B3GALT1: variants seen among roughly 807,000 people sequenced by gnomAD.
B3GALT1 encodes the protein UDP-Gal:betaGlcNAc beta 1,3-galactosyltransferase, polypeptide 1.
B3GALT1 carries 10 observed loss-of-function variants against 23.2 expected under a neutral mutation model. The observed-to-expected ratio is 0.43, with a 90% CI of 0.27 to 0.73. The LOEUF (loss-of-function observed/expected upper bound fraction) is 0.73. B3GALT1 is among the 30% of genes least tolerant of loss of function. The pLI is 0.21. For missense variants in B3GALT1, 299 were observed against 405.4 expected (o/e 0.74, Z 2.25); for synonymous variants, 156 against 141.5 (o/e 1.10, Z -0.73).
In B3GALT1 at chr2:167,447,172, C is replaced by T. The variant is rs117254686; in HGVS notation, c.-510-43005C>T. 7.5e-4 allele frequency among the ~76,000 whole-genome samples: 114 copies of T among 152,308 alleles called. 1 individual carries two copies. The East Asian group carries it at 0.018, about 24-fold the overall frequency. ...GGTATCACCAGTGGAGGCTGCAGAA[C>T]AGCTAATATCGCAGAACAGCAAATG... On this transcript the variant is annotated intron_variant, in intron 1 of 4. Coordinates refer to ENST00000392690, the MANE Select transcript of B3GALT1 (RefSeq NM_020981.4).
rs955395288 is a variant in B3GALT1, at chr2:167,715,758, A to G, written c.-352+68792A>G. On this transcript the variant is annotated intron_variant, in intron 3 of 4. Coordinates refer to ENST00000392690, the MANE Select transcript of B3GALT1 (RefSeq NM_020981.4). ...GATGACTGTACTTCATAGCCTTCAT[A>G]CTCTTTTGGAATAAGGCTAAATTTT... 1.8e-5 allele frequency: 29 copies of G among 1,612,716 alleles called. No individual in the cohort carries two copies. The South Asian group carries it at 2.2e-4, about 12-fold the overall frequency.
chr2:167,419,922 G>T (rs554501762), intron 1 of B3GALT1, among the ~76,000 whole-genome samples: 3 of 152,186 alleles, frequency 2.0e-5, no homozygotes, highest in Admixed American at 6.5e-5. Flanking sequence ...CTGCTATAAT[G>T]AGAGTAGTTC....
intron 2 of B3GALT1, among the ~76,000 whole-genome samples, chr2:167,554,190 C>T (rs943946842): frequency 1.3e-5 from 2 of 152,196 alleles, no homozygotes; most frequent in African/African-American, 4.8e-5. Flanking sequence ...GGAATAAGAG[C>T]TGTACTTAAC....
intron 1 of B3GALT1, among the ~76,000 whole-genome samples, chr2:167,423,458 C>T (rs1309286836): frequency 1.3e-5 from 2 of 152,056 alleles, no homozygotes; most frequent in African/African-American, 2.4e-5. Context: ...CCACCAGGAC[C>T]GATCTATGCA....
chr2:167,446,368 CTTTGTGGCATTCTCTGTA>C (rs1392489781), intron 1 of B3GALT1, among the ~76,000 whole-genome samples: 53 of 152,260 alleles, frequency 3.5e-4, no homozygotes, highest in African/African-American at 1.2e-3. Context: ...CGAGGAGTAT[CTTTGTGGCATTCTCTGTA>C]TTTCCTGAAT....
At chr2:167,750,316 G>A (rs1444560141) in intron 3 of B3GALT1, among the ~76,000 whole-genome samples, 1 of 152,188 alleles carries the variant, frequency 6.6e-6, no homozygotes, top group Non-Finnish European at 1.5e-5. Context: ...GGTGTGGCCA[G>A]AGTAAATAGA....
chr2:167,564,370 C>A (rs1041979999), intron 2 of B3GALT1, among the ~76,000 whole-genome samples: 1 of 151,552 alleles, frequency 6.6e-6, no homozygotes, highest in African/African-American at 2.4e-5. Context: ...ACGCTCCCCA[C>A]TCTCCAGACT....
At chr2:167,608,325 C>A (rs1463750231) in intron 2 of B3GALT1, among the ~76,000 whole-genome samples, 2 of 152,094 alleles carry the variant, frequency 1.3e-5, no homozygotes, top group East Asian at 3.9e-4. Flanking sequence ...TAGTTTTTGT[C>A]ATAATACATA....
In B3GALT1 at chr2:167,806,869, A is replaced by G. The variant is rs190372822; in HGVS notation, c.-351-11803A>G. ...AGGATTCCCTCTTTTTCTATTGATT[A>G]GAATAGTTTCAGAAGGAATGGTACC... On this transcript the variant is annotated intron_variant, in intron 3 of 4. Transcript: ENST00000392690. Among the ~76,000 whole-genome samples, 7 of 152,068 alleles carry G rather than the reference A, an allele frequency of 4.6e-5. No individual in the cohort carries two copies. In the East Asian group the frequency reaches 7.7e-4, roughly 17 times the overall value.
At chr2:167,455,781 G>T (rs1430052250) in intron 1 of B3GALT1, among the ~76,000 whole-genome samples, 1 of 152,154 alleles carries the variant, frequency 6.6e-6, no homozygotes, top group East Asian at 1.9e-4. Flanking sequence ...CCATAGTGCT[G>T]GGATTAGAGA....
chr2:167,393,110 T>C (rs1345202727), intron 1 of B3GALT1, among the ~76,000 whole-genome samples: 1 of 151,952 alleles, frequency 6.6e-6, no homozygotes, highest in Non-Finnish European at 1.5e-5. Flanking sequence ...GGTGGGTGCC[T>C]GTAGTCCCAG....
At chr2:167,485,135 G>A (rs1269184807) in intron 1 of B3GALT1, among the ~76,000 whole-genome samples, 1 of 152,164 alleles carries the variant, frequency 6.6e-6, no homozygotes, top group Admixed American at 6.5e-5. Flanking sequence ...TCTTGGCCAA[G>A]AGGAGGGATC....
At chr2:167,825,209 G>A (rs896690651) in intron 4 of B3GALT1, among the ~76,000 whole-genome samples, 23 of 150,542 alleles carry the variant, frequency 1.5e-4, no homozygotes, top group African/African-American at 3.4e-4. Context: ...GCGTGAACCC[G>A]GGAGGCGAAG....
intron 1 of B3GALT1, among the ~76,000 whole-genome samples, chr2:167,486,101 C>G (rs1394686363): frequency 2.6e-5 from 4 of 152,208 alleles, no homozygotes; most frequent in Non-Finnish European, 4.4e-5. Flanking sequence ...GTGGCTCACA[C>G]CTGTAATCTC....
In B3GALT1 at chr2:167,342,208, G is replaced by GA. The variant is rs978979507; in HGVS notation, c.-511+48882dup. ...AGTAACATGAAGAAAATATTAAACT[G>GA]AAAAAAAAGACACATCTTGAAAATG... is the stretch of plus-strand genomic sequence containing the variant. On this transcript the variant is annotated intron_variant, in intron 1 of 4. Coordinates refer to ENST00000392690, the MANE Select transcript of B3GALT1 (RefSeq NM_020981.4). Among the ~76,000 whole-genome samples, 9 of 151,514 alleles carry GA rather than the reference G, an allele frequency of 5.9e-5. No homozygotes were observed. The East Asian group carries it at 9.7e-4, about 16-fold the overall frequency.
intron 1 of B3GALT1, among the ~76,000 whole-genome samples, chr2:167,439,378 C>T (rs1441172748): frequency 6.6e-6 from 1 of 152,032 alleles, no homozygotes; most frequent in East Asian, 1.9e-4. Context: ...TTCATATTTT[C>T]CTAATATGTC....
intron 3 of B3GALT1, among the ~76,000 whole-genome samples, chr2:167,707,973 A>G (rs78453590): frequency 0.11 from 16,389 of 152,272 alleles, 1,271 homozygotes; most frequent in East Asian, 0.37. Context: ...GTGGGTTTCA[A>G]TGTTCTTTCC....
At chr2:167,755,803 A>G (rs1355271698) in intron 3 of B3GALT1, among the ~76,000 whole-genome samples, 1 of 151,728 alleles carries the variant, frequency 6.6e-6, no homozygotes, top group Non-Finnish European at 1.5e-5. Context: ...CCTCATCTCT[A>G]CAAAAATAAC....
At position 167,677,671 on chromosome 2, in the gene B3GALT1, T is replaced by A. The variant is rs61510647; in HGVS notation, c.-352+30705T>A. 3.5e-3 allele frequency among the ~76,000 whole-genome samples: 528 copies of A among 152,304 alleles called. 4 individuals are homozygous for A. The highest frequency in any genetic ancestry group is 0.012 in the African/African-American group (506 of 41,574). On this transcript the variant is annotated intron_variant, in intron 3 of 4. Transcript: ENST00000392690. The stretch of plus-strand genomic sequence containing the variant: ...TGCCTCAGAATGTCTCCTGCCTTTG[T>A]ATTTTTTTTTCACTGCTCCCTCTAC...
Sources: allele counts gnomAD v4.1 joint callset (sites outside exome capture counted in the v4.1 genomes callset), GRCh38; gene constraint gnomAD v4.1.1; transcripts MANE v1.5; gene names NCBI Gene and HGNC (gene_info 2026-07-23, HGNC 2026-07-21).